Variants in USP30 observed in about 807,000 individuals in gnomAD.
USP30 encodes the protein ubiquitin specific peptidase 30, also known as ubiquitin carboxyl-terminal hydrolase 30.
A neutral mutation model predicts 68.2 loss-of-function variants in USP30; 41 were observed. That is an observed-to-expected ratio of 0.60 (90% CI 0.47 to 0.78). The LOEUF (loss-of-function observed/expected upper bound fraction) is 0.78, where lower values mean the gene tolerates loss of function less well. Ranked by LOEUF, USP30 falls within the 30% of genes least tolerant of loss-of-function variation. USP30 has a pLI of 0.00. For missense variants in USP30, 522 were observed against 649.4 expected, an observed-to-expected ratio of 0.80 and a Z score of 2.13; for synonymous variants, 229 against 253.7, an observed-to-expected ratio of 0.90 and a Z score of 0.93.
intron 3 of USP30, among the ~76,000 whole-genome samples, chr12:109,063,199 A>G (rs1383535893): frequency 6.6e-6 from 1 of 152,090 alleles, no homozygotes; most frequent in Non-Finnish European, 1.5e-5. Flanking sequence ...TTCCAGATTC[A>G]AGTGATTCTC....
Position 109,081,921 on chromosome 12 carries a change from C to G in USP30, c.781-12C>G, listed in dbSNP as rs752996506. 1.9e-6 allele frequency: 3 copies of G among 1,613,502 alleles called. No homozygotes were observed. Among genetic ancestry groups the G allele is most frequent in the Non-Finnish European group, 2.5e-6 (3 of 1,179,422 alleles). ...TTTGAATTGTAGTAATTTTCTTCTTCTCATGCTGTAGGGTCACCCATTGAC... is the reference window on the plus strand; with the variant it reads ...TTTGAATTGTAGTAATTTTCTTCTTGTCATGCTGTAGGGTCACCCATTGAC... On this transcript the variant is annotated splice_polypyrimidine_tract_variant and intron_variant, in intron 8 of 12. Transcript: ENST00000257548.
rs750245843 is a variant in USP30 at position 109,083,073 on chromosome 12, G to A, written c.1168+11G>A. On this transcript the variant is annotated intron_variant, in intron 11 of 12. Transcript: ENST00000257548. Reference sequence around the variant, plus strand: ...GAGCCCCCACACCAGGTGTGTGCGCGCGAGGAGCCGATGCAGCAGGAATTT... The same window carrying A: ...GAGCCCCCACACCAGGTGTGTGCGCACGAGGAGCCGATGCAGCAGGAATTT... 33 of 1,576,322 alleles carry A rather than the reference G, an allele frequency of 2.1e-5. No individual in the cohort carries two copies. Among genetic ancestry groups the A allele is most frequent in the East Asian group, 9.0e-5 (4 of 44,568 alleles).
intron 1 of USP30, among the ~76,000 whole-genome samples, chr12:109,053,205 A>T (rs114305256): frequency 3.9e-5 from 6 of 151,912 alleles, no homozygotes; most frequent in Admixed American, 2.0e-4. Flanking sequence ...TTCTAGTCCT[A>T]TAAGTGCCCC....
intron 9 of USP30, among the ~76,000 whole-genome samples, chr12:109,082,315 C>T (rs1394404298): frequency 6.6e-6 from 1 of 152,214 alleles, no homozygotes; most frequent in East Asian, 1.9e-4. Flanking sequence ...TTCCTTTTAA[C>T]CTGTGCTACC....
intron 3 of USP30, among the ~76,000 whole-genome samples, chr12:109,040,268 G>C (rs1244603748): frequency 6.6e-6 from 1 of 152,070 alleles, no homozygotes; most frequent in African/African-American, 2.4e-5. Context: ...AACTATTAGG[G>C]AAGCTTGTCA....
intron 4 of USP30, among the ~76,000 whole-genome samples, chr12:109,069,664 G>A (rs1430603577): frequency 2.0e-5 from 3 of 152,214 alleles, no homozygotes; most frequent in Non-Finnish European, 4.4e-5. Context: ...AGTGGGGGAT[G>A]AGGATAGCAG....
chr12:109,082,032 C>T lies in USP30; in HGVS notation c.867+13C>T, dbSNP rs2041818918. ...CAACTGTACAAAGGTATGCATTGAACCCCAAATGTCATCGCCAGCTGGCCT... is the reference window on the plus strand; with the variant it reads ...CAACTGTACAAAGGTATGCATTGAATCCCAAATGTCATCGCCAGCTGGCCT... On this transcript the variant is annotated intron_variant, in intron 9 of 12. Coordinates refer to ENST00000257548, the MANE Select transcript of USP30 (RefSeq NM_032663.5). 6.2e-7 allele frequency: 1 copy of T among 1,613,912 alleles called. No homozygotes were observed. Among genetic ancestry groups the T allele is most frequent in the African/African-American group, 1.3e-5 (1 of 75,034 alleles).
intron 3 of USP30, among the ~76,000 whole-genome samples, chr12:109,044,586 G>A (rs1003087411): frequency 6.6e-6 from 1 of 151,864 alleles, no homozygotes; most frequent in Non-Finnish European, 1.5e-5. Context: ...GCAGTGAGCT[G>A]TGATAATGCC....
intron 3 of USP30, among the ~76,000 whole-genome samples, chr12:109,033,570 A>C (rs1251529805): frequency 6.6e-6 from 1 of 152,162 alleles, no homozygotes; most frequent in Non-Finnish European, 1.5e-5. Context: ...ACTCTGTTTC[A>C]GTTGGGTATG....
upstream of USP30, among the ~76,000 whole-genome samples, chr12:109,050,312 C>CA (rs902032084): frequency 4.6e-5 from 7 of 151,832 alleles, no homozygotes; most frequent in Non-Finnish European, 8.8e-5. Context: ...ACAACAACAA[C>CA]AAAAAAACAA....
chr12:109,069,920 A>G (rs1461275985), intron 4 of USP30, among the ~76,000 whole-genome samples: 1 of 152,118 alleles, frequency 6.6e-6, no homozygotes, highest in Non-Finnish European at 1.5e-5. Flanking sequence ...GCTAGGGTAT[A>G]AGTCTGGAGA....
At position 109,070,674 on chromosome 12, in the gene USP30, C is replaced by T. The variant is rs1406810696; in HGVS notation, c.481-938C>T. On this transcript the variant is annotated intron_variant, in intron 4 of 12. Coordinates refer to ENST00000257548, the MANE Select transcript of USP30 (RefSeq NM_032663.5). This position sits in a 1 kb window ranked among gnomAD's most constrained non-coding sequence, Gnocchi z 4.0. The stretch of plus-strand genomic sequence containing the variant: ...AGAAGCAGAGGGCCTGTGTTGTGAC[C>T]CCGTTACTCCCGGAAGAGTGAGGGG... 2.6e-5 allele frequency among the ~76,000 whole-genome samples: 4 copies of T among 152,076 alleles called. No individual in the cohort carries two copies. Among genetic ancestry groups the T allele is most frequent in the Non-Finnish European group, 4.4e-5 (3 of 68,026 alleles).
chr12:109,048,010 C>G (rs2040620894), upstream of USP30, among the ~76,000 whole-genome samples: 2 of 151,778 alleles, frequency 1.3e-5, no homozygotes, highest in East Asian at 3.9e-4. Flanking sequence ...ACCAGTGTAT[C>G]TCGGAGTTTT....
chr12:109,049,828 A>G (rs752207996), upstream of USP30, among the ~76,000 whole-genome samples: 2 of 149,958 alleles, frequency 1.3e-5, no homozygotes, highest in Non-Finnish European at 3.0e-5. Context: ...AAAAGAAAAG[A>G]AAAAAAAAAG....
intron 2 of USP30, among the ~76,000 whole-genome samples, chr12:109,025,600 A>G (rs747342949): frequency 1.1e-4 from 17 of 152,182 alleles, no homozygotes; most frequent in Admixed American, 2.0e-4. Flanking sequence ...TAGCCATATG[A>G]GTATCTCATA....
At chr12:109,046,675 G>A (rs1459539752) in intron 3 of USP30, among the ~76,000 whole-genome samples, 1 of 152,084 alleles carries the variant, frequency 6.6e-6, no homozygotes, top group South Asian at 2.1e-4. Flanking sequence ...CAGCCAGCTG[G>A]AAGGTCTGTT....
chr12:109,066,137 A>T (rs1275268844), intron 3 of USP30, among the ~76,000 whole-genome samples: 1 of 151,772 alleles, frequency 6.6e-6, no homozygotes, highest in Non-Finnish European at 1.5e-5. Context: ...CTGTAGTCCC[A>T]GCTGCTCAGG....
upstream of USP30, chr12:109,052,435 G>A (rs1035768895): frequency 4.4e-5 from 17 of 385,994 alleles, no homozygotes; most frequent in Non-Finnish European, 6.0e-5. Context: ...TGAGCCCAGC[G>A]TAGCAACCGA....
chr12:109,026,790 C>T (rs893405100), intron 2 of USP30, among the ~76,000 whole-genome samples: 1 of 152,112 alleles, frequency 6.6e-6, no homozygotes, highest in African/African-American at 2.4e-5. Context: ...TCTAACAGTT[C>T]TAGAGGCTGA....
Sources: gnomAD v4.1 joint callset for allele counts (sites outside exome capture counted in the v4.1 genomes callset) on GRCh38, gnomAD v4.1.1 for gene constraint, Gnocchi (gnomAD v3.1) non-coding constraint, MANE v1.5 for transcripts, NCBI Gene and HGNC (gene_info 2026-07-23, HGNC 2026-07-21) for gene names.